TMEM132C: variants seen among roughly 807,000 people sequenced by gnomAD.
TMEM132C encodes the protein transmembrane protein 132C.
TMEM132C carries 29 observed loss-of-function variants against 61.4 expected under a neutral mutation model. That is an observed-to-expected ratio of 0.47 (90% CI 0.35 to 0.64). The LOEUF (loss-of-function observed/expected upper bound fraction) is 0.64. Among genes scored for constraint, TMEM132C ranks in the 30% least tolerant of loss-of-function variants. The probability of loss-of-function intolerance (pLI) is 0.00; values close to 1 mark genes in which losing one functional copy is unlikely to be tolerated. For missense variants in TMEM132C, 1,408 were observed against 1,476.9 expected (o/e 0.95, Z 0.76); for synonymous variants, 656 against 633.1 (o/e 1.04, Z -0.54).
At chr12:128,330,350 C>G (rs142910232) in intron 1 of TMEM132C, among the ~76,000 whole-genome samples, 51 of 152,212 alleles carry the variant, frequency 3.4e-4, no homozygotes, top group African/African-American at 1.2e-3. Flanking sequence ...TGTGTGATCC[C>G]CATAACCAAC....
intron 1 of TMEM132C, among the ~76,000 whole-genome samples, chr12:128,276,987 CAAAAAA>C: frequency 6.6e-6 from 1 of 151,448 alleles, no homozygotes. Flanking sequence ...AACAAACAAA[CAAAAAA>C]GAAAAAGCTC....
intron 1 of TMEM132C, among the ~76,000 whole-genome samples, chr12:128,340,421 ATATTT>A (rs1374057696): frequency 2.0e-5 from 3 of 152,198 alleles, no homozygotes; most frequent in Admixed American, 1.3e-4. Flanking sequence ...AATGACAAAG[ATATTT>A]TATTTTTAAT....
Position 128,570,790 on chromosome 12 carries a change from C to T in TMEM132C, c.1121+26687C>T, listed in dbSNP as rs776589088. ...AAGGCAATAAGTAGGTGAAGGCTGG[C>T]GCTGTTTGCCTCTTTGGATAAGAAA... is the stretch of plus-strand genomic sequence containing the variant. On this transcript the variant is annotated intron_variant, in intron 3 of 8. Transcript: ENST00000435159. The surrounding 1 kb of genome is among the most constrained non-coding windows in gnomAD (Gnocchi z 4.7). Among the ~76,000 whole-genome samples, 4 of 152,196 alleles carry T rather than the reference C, an allele frequency of 2.6e-5. No homozygotes were observed. The highest frequency in any genetic ancestry group is 2.1e-4 in the South Asian group (1 of 4,836).
Position 128,570,193 on chromosome 12 carries a change from T to G in TMEM132C, c.1121+26090T>G, listed in dbSNP as rs1874829231. On this transcript the variant is annotated intron_variant, in intron 3 of 8. Transcript: ENST00000435159. This position sits in a 1 kb window ranked among gnomAD's most constrained non-coding sequence, Gnocchi z 4.7. ...GAAAGAAAATTCAAGGGCTGAAAAATATCTACACCTCCCCACCCCCGCACC... is the reference window on the plus strand; with the variant it reads ...GAAAGAAAATTCAAGGGCTGAAAAAGATCTACACCTCCCCACCCCCGCACC... 6.6e-6 allele frequency among the ~76,000 whole-genome samples: 1 copy of G among 151,238 alleles called. No homozygotes were observed.
chr12:128,477,735 A>G (rs1204297463), intron 2 of TMEM132C, among the ~76,000 whole-genome samples: 1 of 152,136 alleles, frequency 6.6e-6, no homozygotes, highest in Non-Finnish European at 1.5e-5. Flanking sequence ...ACCCGCCGTC[A>G]CACCCGGCTA....
intron 1 of TMEM132C, among the ~76,000 whole-genome samples, chr12:128,274,900 G>A (rs1476724459): frequency 6.7e-6 from 1 of 150,176 alleles, no homozygotes; most frequent in African/African-American, 2.5e-5. Context: ...TAACTCTCAG[G>A]GATGCACACA....
At chr12:128,653,620 A>G (rs1954295096) in intron 4 of TMEM132C, among the ~76,000 whole-genome samples, 1 of 152,118 alleles carries the variant, frequency 6.6e-6, no homozygotes, top group Non-Finnish European at 1.5e-5. Flanking sequence ...CTAGTTCATT[A>G]CACTTCCTGT....
chr12:128,640,035 A>G (rs914036595), intron 4 of TMEM132C, among the ~76,000 whole-genome samples: 1 of 152,232 alleles, frequency 6.6e-6, no homozygotes, highest in Non-Finnish European at 1.5e-5. Flanking sequence ...CTCACAGACC[A>G]CAAGACAGAA....
chr12:128,381,979 C>T (rs186457605), intron 1 of TMEM132C, among the ~76,000 whole-genome samples: 52 of 152,004 alleles, frequency 3.4e-4, no homozygotes, highest in South Asian at 2.1e-3. Flanking sequence ...CTCTTTGTCC[C>T]GTTGAAGACC....
chr12:128,509,417 G>T (rs1486278377), intron 2 of TMEM132C, among the ~76,000 whole-genome samples: 3 of 152,218 alleles, frequency 2.0e-5, no homozygotes, highest in African/African-American at 7.2e-5. Flanking sequence ...ACATGTGAAA[G>T]CAGGGGTAGA....
At chr12:128,578,485 A>G (rs1875205977) in intron 3 of TMEM132C, among the ~76,000 whole-genome samples, 1 of 152,192 alleles carries the variant, frequency 6.6e-6, no homozygotes, top group Non-Finnish European at 1.5e-5. Flanking sequence ...TGTACCTTCA[A>G]AGTCTACTTG....
At chr12:128,684,290 AGAATCCTGGTTTCATAGATGAGGAAAAT>A (rs377006716) in intron 5 of TMEM132C, among the ~76,000 whole-genome samples, 5,765 of 150,378 alleles carry the variant, frequency 0.038, 321 homozygotes, top group African/African-American at 0.13. Flanking sequence ...GTTGAAAGAA[AGAATCCTGGTTTCATAGATGAGGAAAAT>A]GAATCCTAAA....
intron 3 of TMEM132C, among the ~76,000 whole-genome samples, chr12:128,552,418 A>G: frequency 6.6e-6 from 1 of 152,234 alleles, no homozygotes; most frequent in East Asian, 1.9e-4. Context: ...TAACGGTCTC[A>G]TGAACTGAGG....
At chr12:128,676,137 T>C (rs563499735) in intron 5 of TMEM132C, among the ~76,000 whole-genome samples, 3 of 152,338 alleles carry the variant, frequency 2.0e-5, no homozygotes, top group Admixed American at 2.0e-4. Context: ...CAAGATCCAA[T>C]CCAGGCTCAC....
intron 1 of TMEM132C, among the ~76,000 whole-genome samples, chr12:128,375,812 G>A (rs1483204371): frequency 6.6e-6 from 1 of 152,202 alleles, no homozygotes; most frequent in African/African-American, 2.4e-5. Flanking sequence ...GTTGGGGATG[G>A]TATGTTCCAG....
chr12:128,698,187 C>T (rs1954779202), intron 8 of TMEM132C, among the ~76,000 whole-genome samples: 1 of 118,868 alleles, frequency 8.4e-6, no homozygotes, highest in Non-Finnish European at 2.1e-5. Context: ...TAGAATTGAC[C>T]ATCACAGGGC....
At chr12:128,461,675 A>G (rs974394141) in intron 2 of TMEM132C, among the ~76,000 whole-genome samples, 2 of 152,154 alleles carry the variant, frequency 1.3e-5, no homozygotes, top group Non-Finnish European at 2.9e-5. Flanking sequence ...TCACCAGGTC[A>G]GGATCTCATA....
intron 2 of TMEM132C, among the ~76,000 whole-genome samples, chr12:128,478,701 G>A (rs1444152386): frequency 9.9e-5 from 15 of 152,162 alleles, no homozygotes; most frequent in Non-Finnish European, 1.6e-4. Flanking sequence ...CCACATTACC[G>A]GAGGTACAGC....
At chr12:128,341,192 C>T (rs1212952816) in intron 1 of TMEM132C, among the ~76,000 whole-genome samples, 2 of 152,078 alleles carry the variant, frequency 1.3e-5, no homozygotes, top group African/African-American at 4.8e-5. Flanking sequence ...CCAACCACCT[C>T]GGCCTCCCAA....
Sources: allele counts gnomAD v4.1 joint callset (sites outside exome capture counted in the v4.1 genomes callset), GRCh38; gene constraint gnomAD v4.1.1; non-coding constraint Gnocchi (gnomAD v3.1); transcripts MANE v1.5; gene names NCBI Gene and HGNC (gene_info 2026-07-23, HGNC 2026-07-21).